Variants in ZNF827 observed in about 807,000 individuals in gnomAD.
ZNF827 encodes zinc finger protein 827.
Under a neutral mutation model 102.4 loss-of-function variants are expected in ZNF827, and 13 were observed. The ratio of observed to expected loss-of-function variants is 0.13; its 90% CI spans 0.08 to 0.20. The LOEUF (loss-of-function observed/expected upper bound fraction) is 0.20, where lower values mean the gene tolerates loss of function less well. Among genes scored for constraint, ZNF827 ranks in the 10% least tolerant of loss-of-function variants. The pLI, the probability that ZNF827 is intolerant of heterozygous loss-of-function variation, is 1.00. For synonymous variants in ZNF827, 523 were observed against 536.2 expected (o/e 0.98, Z 0.34); for missense variants, 1,103 against 1,344.4 (o/e 0.82, Z 2.81).
Position 145,905,206 on chromosome 4 carries a change from G to A in ZNF827, c.44-1991C>T, listed in dbSNP as rs796398189. On this transcript the variant is annotated intron_variant, in intron 1 of 14. Transcript: ENST00000508784. The stretch of plus-strand genomic sequence containing the variant: ...AGCACAATGTCTGGTCCCTAGCAGA[G>A]TTCAATGTATGTGTAGGGATTGAGC... 9.8e-5 allele frequency among the ~76,000 whole-genome samples: 15 copies of A among 152,334 alleles called. 1 individual carries two copies. The highest frequency in any genetic ancestry group is 3.4e-4 in the African/African-American group (14 of 41,572).
rs528453869 is a variant in ZNF827 at position 145,802,966 on chromosome 4, A to C, written c.2383+20456T>G. Reference sequence around the variant, plus strand: ...CAAAAATAAAAGAGTGAAATAAAATAGGATAGATTAAAAAATTGCAGACAT... The same window carrying C: ...CAAAAATAAAAGAGTGAAATAAAATCGGATAGATTAAAAAATTGCAGACAT... On this transcript the variant is annotated intron_variant, in intron 8 of 14. Coordinates refer to ENST00000508784, the MANE Select transcript of ZNF827 (RefSeq NM_001306215.2). Among the ~76,000 whole-genome samples, 6 of 152,312 alleles carry C rather than the reference A, an allele frequency of 3.9e-5. No individual in the cohort carries two copies. The South Asian group carries it at 1.0e-3, about 26-fold the overall frequency.
Position 145,760,311 on chromosome 4 carries a change from T to C in ZNF827, c.*1305A>G, listed in dbSNP as rs1482898859. 1 of 152,328 alleles carries C rather than the reference T, an allele frequency of 6.6e-6. No homozygotes were observed. The highest frequency in any genetic ancestry group is 1.5e-5 in the Non-Finnish European group (1 of 68,122). The allele number at this position is 152,328 out of a possible 1,614,324, so 9.4% of individuals were successfully genotyped here. A position where few individuals can be genotyped will look rare whatever the true frequency, so the allele number is the denominator to read the frequency against. Reference sequence around the variant, plus strand: ...CAAAGAATGTGCAATAGAAATGTCATGGCACACGACACACGGCTTTCTCTT... The same window carrying C: ...CAAAGAATGTGCAATAGAAATGTCACGGCACACGACACACGGCTTTCTCTT... On this transcript the variant is annotated 3_prime_UTR_variant, in exon 15 of 15. Coordinates refer to ENST00000508784, the MANE Select transcript of ZNF827 (RefSeq NM_001306215.2).
At chr4:145,833,606 A>G (rs910767343) in intron 7 of ZNF827, among the ~76,000 whole-genome samples, 9 of 151,750 alleles carry the variant, frequency 5.9e-5, no homozygotes, top group African/African-American at 1.7e-4. Context: ...CCGCTTTTCT[A>G]CGGGGCAAGA....
intron 7 of ZNF827, among the ~76,000 whole-genome samples, chr4:145,825,818 G>A (rs1474065715): frequency 1.3e-5 from 2 of 152,106 alleles, no homozygotes; most frequent in Non-Finnish European, 2.9e-5. Context: ...CAATCACCGA[G>A]GGAAACAACA....
At chr4:145,851,576 T>G (rs535780261) in intron 5 of ZNF827, among the ~76,000 whole-genome samples, 1 of 152,244 alleles carries the variant, frequency 6.6e-6, no homozygotes, top group Non-Finnish European at 1.5e-5. Flanking sequence ...TAAGATCTTA[T>G]GTAAGAAGAG....
intron 8 of ZNF827, among the ~76,000 whole-genome samples, chr4:145,795,620 C>G (rs999560858): frequency 1.3e-5 from 2 of 152,190 alleles, no homozygotes; most frequent in African/African-American, 4.8e-5. Context: ...AAGCTGAGTT[C>G]CTCTGTGTTG....
intron 8 of ZNF827, among the ~76,000 whole-genome samples, chr4:145,806,631 G>A (rs1301096512): frequency 4.6e-5 from 7 of 152,094 alleles, no homozygotes; most frequent in African/African-American, 1.7e-4. Flanking sequence ...TAAGGGGAAA[G>A]TTAAGGACAG....
At chr4:145,768,890 A>AAAATAT (rs1553975847) in intron 11 of ZNF827, among the ~76,000 whole-genome samples, 1 of 7,724 alleles carries the variant, frequency 1.3e-4, no homozygotes, top group Non-Finnish European at 3.2e-4. Flanking sequence ...AAAAAAAAAA[A>AAAATAT]ATATATATAT....
chr4:145,878,195 C>T (rs1439625709), intron 4 of ZNF827, among the ~76,000 whole-genome samples: 4 of 152,284 alleles, frequency 2.6e-5, no homozygotes, highest in Admixed American at 6.5e-5. Context: ...CATGAAATGG[C>T]TACGATTCCC....
At chr4:145,873,395 A>C (rs1357467912) in intron 4 of ZNF827, among the ~76,000 whole-genome samples, 1 of 152,230 alleles carries the variant, frequency 6.6e-6, no homozygotes, top group Admixed American at 6.5e-5. Flanking sequence ...ACAAGAACTA[A>C]GACCTCCAAA....
intron 1 of ZNF827, among the ~76,000 whole-genome samples, chr4:145,929,578 T>C (rs1487893142): frequency 6.6e-6 from 1 of 152,088 alleles, no homozygotes; most frequent in Non-Finnish European, 1.5e-5. Context: ...AGTCAAGCCC[T>C]ACAATAATAG....
In ZNF827 at chr4:145,902,066, C is replaced by T; in HGVS notation, c.1093+100G>A. 7.0e-7 allele frequency: 1 copy of T among 1,437,908 alleles called. No individual in the cohort carries two copies. Among genetic ancestry groups the T allele is most frequent in the Non-Finnish European group, 9.3e-7 (1 of 1,076,478 alleles). The allele number at this position is 1,437,908 out of a possible 1,614,324, so 89.1% of individuals were successfully genotyped here. On this transcript the variant is annotated intron_variant, in intron 2 of 14. Coordinates refer to ENST00000508784, the MANE Select transcript of ZNF827 (RefSeq NM_001306215.2). The surrounding 1 kb of genome is among the most constrained non-coding windows in gnomAD (Gnocchi z 4.3). ...TGCTCTTGCTTTTTTATTCCTGCCT[C>T]AGATCAGATGGGGAACCCAACTGAA...
chr4:145,925,940 A>T (rs1265264723), intron 1 of ZNF827, among the ~76,000 whole-genome samples: 2 of 152,238 alleles, frequency 1.3e-5, no homozygotes, highest in East Asian at 3.8e-4. Context: ...AACAAGTCTT[A>T]TAAAATCAAA....
Position 145,895,208 on chromosome 4 carries a change from G to A in ZNF827, c.1094-2793C>T, listed in dbSNP as rs529334514. On this transcript the variant is annotated intron_variant, in intron 2 of 14. Coordinates refer to ENST00000508784, the MANE Select transcript of ZNF827 (RefSeq NM_001306215.2). ...CACACCATAGGAAGGCAATAAAAGGGCATTAGCTAAAAAAATGAACACTGC... is the reference window on the plus strand; with the variant it reads ...CACACCATAGGAAGGCAATAAAAGGACATTAGCTAAAAAAATGAACACTGC... Among the ~76,000 whole-genome samples, 188 of 152,224 alleles carry A rather than the reference G, an allele frequency of 1.2e-3. 1 individual carries two copies. The highest frequency in any genetic ancestry group is 4.1e-3 in the African/African-American group (172 of 41,532).
At chr4:145,823,913 C>G (rs558774848) in intron 7 of ZNF827, among the ~76,000 whole-genome samples, 29 of 152,344 alleles carry the variant, frequency 1.9e-4, no homozygotes, top group African/African-American at 7.0e-4. Flanking sequence ...TGGAATTGCC[C>G]TGGCTCACCC....
At chr4:145,928,041 CA>C (rs1253474512) in intron 1 of ZNF827, among the ~76,000 whole-genome samples, 1 of 152,174 alleles carries the variant, frequency 6.6e-6, no homozygotes, top group Non-Finnish European at 1.5e-5. Flanking sequence ...AGATTCCTTC[CA>C]TCAGTCTCTC....
intron 4 of ZNF827, among the ~76,000 whole-genome samples, chr4:145,879,861 T>C (rs1214312180): frequency 1.3e-5 from 2 of 152,194 alleles, no homozygotes; most frequent in Non-Finnish European, 2.9e-5. Flanking sequence ...AGTTCCTGTT[T>C]TGCTGCTTCT....
chr4:145,811,363 C>T lies in ZNF827; in HGVS notation c.2383+12059G>A, dbSNP rs1741989326. ...TTACATTATGTAAGCCTCACCATGG[C>T]TCACAGTAGACACAGAGAAGGAGAT... On this transcript the variant is annotated intron_variant, in intron 8 of 14. Transcript: ENST00000508784. Among the ~76,000 whole-genome samples, 4 of 152,084 alleles carry T rather than the reference C, an allele frequency of 2.6e-5. No individual in the cohort carries two copies. The South Asian group carries it at 8.3e-4, about 32-fold the overall frequency.
chr4:145,880,957 G>A (rs1749609875), intron 4 of ZNF827, among the ~76,000 whole-genome samples: 2 of 152,224 alleles, frequency 1.3e-5, no homozygotes, highest in South Asian at 4.1e-4. Context: ...AAGGCAATCA[G>A]AGCCACTGGG....
Sources: allele counts gnomAD v4.1 joint callset (sites outside exome capture counted in the v4.1 genomes callset), GRCh38; gene constraint gnomAD v4.1.1; non-coding constraint Gnocchi (gnomAD v3.1); transcripts MANE v1.5; gene names NCBI Gene and HGNC (gene_info 2026-07-23, HGNC 2026-07-21).